Variants in NSMCE2 observed in about 807,000 individuals in gnomAD.
NSMCE2 encodes E3 SUMO-protein ligase NSE2.
NSMCE2 carries 24 observed loss-of-function variants against 23.8 expected under a neutral mutation model. The observed-to-expected ratio is 1.01, with a 90% CI of 0.73 to 1.42. The LOEUF (loss-of-function observed/expected upper bound fraction) is 1.42. Among genes scored for constraint, NSMCE2 ranks in the 40% most tolerant of loss-of-function variants. NSMCE2 has a pLI of 0.00. For synonymous variants in NSMCE2, 92 were observed against 94.1 expected (o/e 0.98, Z 0.13); for missense variants, 284 against 296.5 (o/e 0.96, Z 0.31).
intron 4 of NSMCE2, among the ~76,000 whole-genome samples, chr8:125,175,866 G>A (rs936742681): frequency 6.6e-6 from 1 of 152,168 alleles, no homozygotes; most frequent in Non-Finnish European, 1.5e-5. Flanking sequence ...TTAAAATATG[G>A]TGAAAATAAT....
At chr8:125,182,401 T>C (rs1029819107) in intron 5 of NSMCE2, 145 bp downstream of exon 5, 2 of 720,136 alleles carry the variant, frequency 2.8e-6, no homozygotes, top group Non-Finnish European at 4.8e-6. Flanking sequence ...GTTGTTGCAA[T>C]TCTGTATTTT....
At chr8:125,281,031 C>G (rs1242707078) in intron 5 of NSMCE2, among the ~76,000 whole-genome samples, 1 of 152,316 alleles carries the variant, frequency 6.6e-6, no homozygotes, top group South Asian at 2.1e-4. Context: ...CAGAATGGGT[C>G]GGTGAATGCA....
chr8:125,173,720 C>T (rs1021396711), intron 4 of NSMCE2, among the ~76,000 whole-genome samples: 6 of 152,128 alleles, frequency 3.9e-5, no homozygotes, highest in Non-Finnish European at 7.4e-5. Flanking sequence ...CAAGTGACCA[C>T]TGAAAGTTAG....
intron 5 of NSMCE2, among the ~76,000 whole-genome samples, chr8:125,217,223 T>C (rs902419154): frequency 6.6e-6 from 1 of 152,210 alleles, no homozygotes; most frequent in Non-Finnish European, 1.5e-5. Context: ...ATTATGCTTG[T>C]GCTAGGCTTT....
chr8:125,307,679 C>G (rs915733992), intron 5 of NSMCE2, among the ~76,000 whole-genome samples: 10 of 152,190 alleles, frequency 6.6e-5, no homozygotes, highest in African/African-American at 2.2e-4. Context: ...GGAAGAAATT[C>G]ATCAACTTCT....
intron 3 of NSMCE2, among the ~76,000 whole-genome samples, chr8:125,119,281 G>C (rs1227239632): frequency 6.6e-6 from 1 of 152,174 alleles, no homozygotes; most frequent in Admixed American, 6.5e-5. Flanking sequence ...ATGATGGCGT[G>C]TGTGGAAATA....
At position 125,287,804 on chromosome 8, in the gene NSMCE2, G is replaced by A. The variant is rs117402444; in HGVS notation, c.419-69415G>A. 4.4e-3 allele frequency among the ~76,000 whole-genome samples: 670 copies of A among 152,228 alleles called. 1 individual carries two copies. The highest frequency in any genetic ancestry group is 7.3e-3 in the Non-Finnish European group (497 of 68,000). On this transcript the variant is annotated intron_variant, in intron 5 of 7. Coordinates refer to ENST00000287437, the MANE Select transcript of NSMCE2 (RefSeq NM_173685.4). ...CAGCCCGATCTCTTCCACCATTCCA[G>A]TGAATCCTCTCTGCAGAATATCTCC...
rs190445106 is a variant in NSMCE2, at chr8:125,361,270, G to A, written c.626+3452G>A. On this transcript the variant is annotated intron_variant, in intron 7 of 7. Transcript: ENST00000287437. ...TTTAGTAGAGACAGGGTTTCACCAT[G>A]TTGTCCAGGCTGGTCTCGAACTCCT... is the stretch of plus-strand genomic sequence containing the variant. Among the ~76,000 whole-genome samples the A allele has an allele frequency of 3.9e-5, 6 of 152,156 alleles. No homozygotes were observed. In the East Asian group the frequency reaches 9.6e-4, roughly 24 times the overall value.
chr8:125,311,798 G>T (rs1015023575), intron 5 of NSMCE2, among the ~76,000 whole-genome samples: 27 of 152,168 alleles, frequency 1.8e-4, no homozygotes, highest in Admixed American at 7.2e-4. Flanking sequence ...AAATAAGATG[G>T]CCAGGCACGG....
chr8:125,148,801 A>G (rs1820821614), intron 3 of NSMCE2, among the ~76,000 whole-genome samples: 1 of 152,230 alleles, frequency 6.6e-6, no homozygotes, highest in Admixed American at 6.5e-5. Flanking sequence ...ATTATTTTAA[A>G]TGGAAAAAAA....
At chr8:125,256,090 T>C (rs1826394677) in intron 5 of NSMCE2, among the ~76,000 whole-genome samples, 1 of 152,084 alleles carries the variant, frequency 6.6e-6, no homozygotes, top group Non-Finnish European at 1.5e-5. Context: ...AAGACCATCC[T>C]GGCCAACATG....
intron 5 of NSMCE2, among the ~76,000 whole-genome samples, chr8:125,231,053 T>C (rs1298654752): frequency 6.6e-6 from 1 of 152,234 alleles, no homozygotes; most frequent in East Asian, 1.9e-4. Flanking sequence ...TTCTATCTAA[T>C]ATATATTATT....
At chr8:125,270,824 C>T (rs544148016) in intron 5 of NSMCE2, 17 of 152,220 alleles carry the variant, frequency 1.1e-4, no homozygotes, top group South Asian at 4.1e-4. Flanking sequence ...TCAAAACTTC[C>T]GTGCTGATGA....
intron 5 of NSMCE2, among the ~76,000 whole-genome samples, chr8:125,202,227 G>C (rs1230940058): frequency 2.0e-5 from 3 of 152,238 alleles, no homozygotes; most frequent in African/African-American, 7.2e-5. Context: ...TGCACCAGCT[G>C]TCCAACCAGT....
rs944195363 is a variant in NSMCE2 at position 125,092,184 on chromosome 8, C to T, written c.-111+226C>T. The stretch of plus-strand genomic sequence containing the variant: ...AGGGGCAAGATTACGAATTTTTGAT[C>T]CAAATAGATTTTGTTTGAACTGACT... On this transcript the variant is annotated intron_variant, in intron 1 of 7. Coordinates refer to ENST00000287437, the MANE Select transcript of NSMCE2 (RefSeq NM_173685.4). Among the ~76,000 whole-genome samples the T allele has an allele frequency of 9.2e-5, 14 of 152,112 alleles. 1 individual carries two copies. Among genetic ancestry groups the T allele is most frequent in the African/African-American group, 3.1e-4 (13 of 41,406 alleles).
At chr8:125,269,806 C>G (rs1827099770) in intron 5 of NSMCE2, among the ~76,000 whole-genome samples, 1 of 152,204 alleles carries the variant, frequency 6.6e-6, no homozygotes, top group Non-Finnish European at 1.5e-5. Context: ...TTAACAACAT[C>G]TATCAAGTTA....
chr8:125,253,369 G>A (rs1239764478), intron 5 of NSMCE2, among the ~76,000 whole-genome samples: 1 of 152,162 alleles, frequency 6.6e-6, no homozygotes, highest in Non-Finnish European at 1.5e-5. Context: ...TTAACCCCTA[G>A]GGGCAGGCTT....
chr8:125,171,076 C>T (rs1199924295), intron 4 of NSMCE2, among the ~76,000 whole-genome samples: 3 of 152,176 alleles, frequency 2.0e-5, no homozygotes, highest in Admixed American at 2.0e-4. Context: ...CTATATGGCT[C>T]ACCCCCTCAT....
intron 3 of NSMCE2, among the ~76,000 whole-genome samples, chr8:125,105,624 A>C (rs1021798261): frequency 6.6e-6 from 1 of 152,244 alleles, no homozygotes; most frequent in Admixed American, 6.5e-5. Context: ...GCCAGATAAC[A>C]AATATTTTCA....
Sources: allele counts gnomAD v4.1 joint callset (sites outside exome capture counted in the v4.1 genomes callset), GRCh38; gene constraint gnomAD v4.1.1; transcripts MANE v1.5; gene names NCBI Gene and HGNC (gene_info 2026-07-23, HGNC 2026-07-21).